Variants in TMC2 observed in about 807,000 individuals in gnomAD.
TMC2 encodes the protein transmembrane channel like 2.
Under a neutral mutation model 105.9 loss-of-function variants are expected in TMC2, and 102 were observed. The ratio of observed to expected loss-of-function variants is 0.96; its 90% CI spans 0.82 to 1.14. The LOEUF (loss-of-function observed/expected upper bound fraction) is 1.14, where lower values mean the gene tolerates loss of function less well. Ranked by LOEUF, TMC2 falls within the 50% of genes most tolerant of loss-of-function variation. TMC2 has a pLI of 0.00. For synonymous variants in TMC2, 402 were observed against 422.8 expected, an observed-to-expected ratio of 0.95 and a Z score of 0.60; for missense variants, 1,093 against 1,134.3, an observed-to-expected ratio of 0.96 and a Z score of 0.52.
chr20:2,566,071 C>T (rs2086062077), intron 4 of TMC2, among the ~76,000 whole-genome samples: 1 of 152,044 alleles, frequency 6.6e-6, no homozygotes, highest in South Asian at 2.1e-4. Flanking sequence ...GCTGGCTGGA[C>T]ATAAAAAGCA....
intron 7 of TMC2, among the ~76,000 whole-genome samples, chr20:2,581,535 T>G (rs2086189979): frequency 6.6e-6 from 1 of 152,240 alleles, no homozygotes; most frequent in South Asian, 2.1e-4. Context: ...TGTCAAAAGC[T>G]AATAGGAAGT....
intron 17 of TMC2, among the ~76,000 whole-genome samples, chr20:2,628,785 G>A (rs1480144117): frequency 6.6e-6 from 1 of 152,150 alleles, no homozygotes; most frequent in African/African-American, 2.4e-5. Flanking sequence ...TCAGTCTTGG[G>A]TAGTTCTTTA....
chr20:2,589,263 A>C (rs2086251550), intron 7 of TMC2, among the ~76,000 whole-genome samples: 1 of 45,140 alleles, frequency 2.2e-5, no homozygotes, highest in African/African-American at 1.0e-4. Context: ...ATATCTTCCT[A>C]TTTGCCCTGT....
intron 7 of TMC2, among the ~76,000 whole-genome samples, chr20:2,591,621 C>T (rs909117586): frequency 2.6e-5 from 4 of 151,850 alleles, no homozygotes; most frequent in East Asian, 1.9e-4. Context: ...GGGAGGATCA[C>T]GTGAGCCAGG....
chr20:2,546,843 A>G (rs1309086648), intron 2 of TMC2, among the ~76,000 whole-genome samples: 1 of 152,146 alleles, frequency 6.6e-6, no homozygotes, highest in African/African-American at 2.4e-5. Flanking sequence ...AAAGTGAAAC[A>G]TTTCATGACA....
intron 7 of TMC2, among the ~76,000 whole-genome samples, chr20:2,584,111 C>T (rs1227661881): frequency 6.6e-6 from 1 of 152,092 alleles, no homozygotes; most frequent in East Asian, 1.9e-4. Flanking sequence ...TATGATACTT[C>T]CCCTTAAAAA....
intron 4 of TMC2, among the ~76,000 whole-genome samples, chr20:2,563,336 G>A (rs1424300643): frequency 6.6e-6 from 1 of 152,190 alleles, no homozygotes; most frequent in East Asian, 1.9e-4. Flanking sequence ...ATGGCTGCAA[G>A]AAGAAACACC....
chr20:2,558,466 GGGAA>G lies in TMC2; in HGVS notation c.97_100del (p.Arg33AspfsTer148). On this transcript the variant is annotated frameshift_variant, in exon 3 of 20. Coordinates refer to ENST00000358864, the MANE Select transcript of TMC2 (RefSeq NM_080751.3). LOFTEE classifies it high-confidence loss of function. This position sits in a 1 kb window ranked among gnomAD's most constrained non-coding sequence, Gnocchi z 4.6. ...TTCCCGCCCCGGCAGGTGACAGGCT[GGGAA>G]GGAGATCCTCAAGCAAGCGGGCTCT... The G allele has an allele frequency of 6.4e-7, 1 of 1,556,528 alleles. No individual in the cohort carries two copies.
rs528567675 is a variant in TMC2 at position 2,594,139 on chromosome 20, C to T, written c.934-686C>T. On this transcript the variant is annotated intron_variant, in intron 8 of 19. Coordinates refer to ENST00000358864, the MANE Select transcript of TMC2 (RefSeq NM_080751.3). Reference sequence around the variant, plus strand: ...GCCCACAGCAAGTCATTGCTGCTGCCATCCTTCACTCTCAAAGTCAGATTG... The same window carrying T: ...GCCCACAGCAAGTCATTGCTGCTGCTATCCTTCACTCTCAAAGTCAGATTG... Among the ~76,000 whole-genome samples, 32 of 152,130 alleles carry T rather than the reference C, an allele frequency of 2.1e-4. 1 individual carries two copies. The East Asian group carries it at 6.2e-3, about 29-fold the overall frequency.
chr20:2,616,305 C>A lies in TMC2; in HGVS notation c.1940+101C>A. The A allele has an allele frequency of 1.1e-6, 1 of 927,934 alleles. No homozygotes were observed. Among genetic ancestry groups the A allele is most frequent in the Non-Finnish European group, 1.8e-6 (1 of 562,846 alleles). The allele number at this position is 927,934 out of a possible 1,614,324, so 57.5% of individuals were successfully genotyped here. A position where few individuals can be genotyped will look rare whatever the true frequency, so the allele number is the denominator to read the frequency against. On this transcript the variant is annotated intron_variant, in intron 15 of 19. Transcript: ENST00000358864. The surrounding 1 kb of genome is among the most constrained non-coding windows in gnomAD (Gnocchi z 4.8). ...ACTAGTTGGAAGAGGCTAGATAAGT[C>A]CTCTTGCCTCTCTGAACTCCCCTCT...
chr20:2,597,361 C>T (rs2146215992), intron 10 of TMC2, 63 bp downstream of exon 10: 4 of 1,505,772 alleles, frequency 2.7e-6, no homozygotes, highest in East Asian at 4.6e-5. Context: ...CATTGAGAGA[C>T]TTCTCCCAGC....
At chr20:2,587,673 A>G (rs571766824) in intron 7 of TMC2, among the ~76,000 whole-genome samples, 1 of 152,282 alleles carries the variant, frequency 6.6e-6, no homozygotes, top group Admixed American at 6.5e-5. Context: ...TGGAATGTGT[A>G]TATATTGTGG....
chr20:2,573,221 A>G (rs563522207), intron 5 of TMC2, among the ~76,000 whole-genome samples: 56 of 152,220 alleles, frequency 3.7e-4, no homozygotes, highest in Non-Finnish European at 6.3e-4. Flanking sequence ...GTTCCACCAT[A>G]GTGTATTGAG....
chr20:2,603,576 G>A (rs75319190), intron 11 of TMC2, among the ~76,000 whole-genome samples: 1 of 152,128 alleles, frequency 6.6e-6, no homozygotes, highest in Non-Finnish European at 1.5e-5. Flanking sequence ...AAAAGAATGG[G>A]CCAGTGGTTT....
intron 10 of TMC2, 135 bp from the exon 11 acceptor site, chr20:2,601,978 A>G (rs2086354751): frequency 5.5e-6 from 3 of 550,028 alleles, no homozygotes; most frequent in Non-Finnish European, 6.3e-6. Flanking sequence ...TCCATAGGGC[A>G]CAGGGCATTA....
chr20:2,582,494 G>A (rs2086200466), intron 7 of TMC2, among the ~76,000 whole-genome samples: 1 of 152,074 alleles, frequency 6.6e-6, no homozygotes, highest in Admixed American at 6.6e-5. Context: ...TATAGAGAGA[G>A]AGACAGAGCC....
chr20:2,571,033 A>G (rs2086099308), intron 4 of TMC2, among the ~76,000 whole-genome samples: 1 of 152,214 alleles, frequency 6.6e-6, no homozygotes, highest in African/African-American at 2.4e-5. Flanking sequence ...GTAAGACCTA[A>G]AATTATTAAA....
At chr20:2,554,016 C>G (rs1020128397) in intron 2 of TMC2, among the ~76,000 whole-genome samples, 4 of 152,108 alleles carry the variant, frequency 2.6e-5, no homozygotes, top group African/African-American at 4.8e-5. Flanking sequence ...TCCCGAGTAG[C>G]TGGGATTACA....
intron 17 of TMC2, among the ~76,000 whole-genome samples, chr20:2,630,881 C>G (rs903923233): frequency 6.6e-6 from 1 of 152,116 alleles, no homozygotes; most frequent in East Asian, 1.9e-4. Context: ...ATAGCTGAAG[C>G]ATAGTGTTTA....
Sources: allele counts gnomAD v4.1 joint callset (sites outside exome capture counted in the v4.1 genomes callset), GRCh38; gene constraint gnomAD v4.1.1; non-coding constraint Gnocchi (gnomAD v3.1); transcripts MANE v1.5; gene names NCBI Gene and HGNC (gene_info 2026-07-23, HGNC 2026-07-21).